The following SLC4A4 variants were observed in gnomAD, a reference collection of about 807,000 sequenced individuals.
The protein encoded by SLC4A4 is electrogenic sodium bicarbonate cotransporter 1.
In SLC4A4, 27 loss-of-function variants were observed where a neutral mutation model predicts 111.5. The observed-to-expected ratio is 0.24, with a 90% CI of 0.18 to 0.33. The LOEUF is 0.33. SLC4A4 is among the 10% of genes least tolerant of loss of function. The pLI, the probability that SLC4A4 is intolerant of heterozygous loss-of-function variation, is 1.00. For synonymous variants in SLC4A4, 443 were observed against 463.4 expected (o/e 0.96, Z 0.57); for missense variants, 909 against 1,315.5 (o/e 0.69, Z 4.78).
Position 71,316,424 on chromosome 4 carries a change from C to T in SLC4A4, c.254-22946C>T, listed in dbSNP as rs185952496. Among the ~76,000 whole-genome samples, 3 of 152,242 alleles carry T rather than the reference C, an allele frequency of 2.0e-5. No individual in the cohort carries two copies. In the East Asian group the frequency reaches 5.8e-4, roughly 29 times the overall value. On this transcript the variant is annotated intron_variant, in intron 3 of 25. Coordinates refer to ENST00000264485, the MANE Select transcript of SLC4A4 (RefSeq NM_001098484.3). Reference sequence around the variant, plus strand: ...TGTTGCTAAGAGATGTGTCTGTAAACATCTGTTTGACATATTTCACCATGG... The same window carrying T: ...TGTTGCTAAGAGATGTGTCTGTAAATATCTGTTTGACATATTTCACCATGG...
At chr4:71,109,806 G>A (rs1743039982) in intron 2 of SLC4A4, among the ~76,000 whole-genome samples, 1 of 152,122 alleles carries the variant, frequency 6.6e-6, no homozygotes, top group Non-Finnish European at 1.5e-5. Flanking sequence ...GCCTCCCGAA[G>A]TGCTGGGATT....
intron 14 of SLC4A4, chr4:71,473,262 T>A (rs1157799700): frequency 1.7e-6 from 1 of 603,830 alleles, no homozygotes; most frequent in Non-Finnish European, 2.9e-6. Context: ...TTATTCTTGA[T>A]TTTATAAGTG....
intron 15 of SLC4A4, among the ~76,000 whole-genome samples, chr4:71,497,288 C>T (rs899348207): frequency 2.0e-5 from 3 of 152,064 alleles, no homozygotes; most frequent in African/African-American, 7.2e-5. Context: ...TAACAAATTG[C>T]ATCATTCTCA....
intron 3 of SLC4A4, among the ~76,000 whole-genome samples, chr4:71,297,207 A>G (rs373376146): frequency 6.6e-6 from 1 of 152,298 alleles, no homozygotes; most frequent in East Asian, 1.9e-4. Flanking sequence ...AGAAGAATCT[A>G]CATTAACTGT....
intron 2 of SLC4A4, among the ~76,000 whole-genome samples, chr4:71,244,801 A>G (rs970553704): frequency 1.8e-4 from 27 of 152,068 alleles, no homozygotes; most frequent in Non-Finnish European, 3.8e-4. Flanking sequence ...AAGCCGATCA[A>G]AATGGTAAGA....
chr4:71,532,770 T>C (rs1208365745), intron 17 of SLC4A4, among the ~76,000 whole-genome samples: 1 of 152,254 alleles, frequency 6.6e-6, no homozygotes, highest in Admixed American at 6.5e-5. Context: ...AAGAATTAAG[T>C]AAAATGCCTA....
intron 4 of SLC4A4, among the ~76,000 whole-genome samples, chr4:71,343,185 G>A (rs1016938808): frequency 2.4e-4 from 37 of 152,018 alleles, no homozygotes; most frequent in African/African-American, 7.7e-4. Flanking sequence ...GATTGCCTTC[G>A]ACACAACTGT....
In SLC4A4 at chr4:71,440,592, G is replaced by A. The variant is rs904064882; in HGVS notation, c.808-24G>A. On this transcript the variant is annotated intron_variant, in intron 7 of 25. Coordinates refer to ENST00000264485, the MANE Select transcript of SLC4A4 (RefSeq NM_001098484.3). ...CAGGAACCTTGTGGAACTAAATTGT[G>A]TTTCCTTGGTTCTTCTCATGCAGCT... 4.3e-6 allele frequency: 7 copies of A among 1,614,034 alleles called. No individual in the cohort carries two copies. In the East Asian group the frequency reaches 1.1e-4, roughly 26 times the overall value.
intron 1 of SLC4A4, among the ~76,000 whole-genome samples, chr4:71,091,115 T>G (rs1416634524): frequency 1.3e-5 from 2 of 152,134 alleles, no homozygotes; most frequent in Non-Finnish European, 2.9e-5. Flanking sequence ...ACTCAGCTTA[T>G]TTTTGTATTT....
At chr4:71,357,233 C>T (rs766425366) in intron 6 of SLC4A4, 46 bp downstream of exon 6, 1 of 1,562,722 alleles carries the variant, frequency 6.4e-7, no homozygotes, top group South Asian at 1.1e-5. Context: ...ACTTATTTCA[C>T]TCACCTTTAC....
intron 3 of SLC4A4, among the ~76,000 whole-genome samples, chr4:71,296,769 C>T (rs1262925684): frequency 6.6e-6 from 1 of 152,112 alleles, no homozygotes; most frequent in Admixed American, 6.5e-5. Flanking sequence ...AAAATCTGCT[C>T]TCTCAGTTTT....
intron 6 of SLC4A4, among the ~76,000 whole-genome samples, chr4:71,367,246 A>G (rs575764286): frequency 6.6e-6 from 1 of 152,366 alleles, no homozygotes; most frequent in South Asian, 2.1e-4. Context: ...TACTCACGTT[A>G]GAAGCAAGCC....
chr4:71,154,346 G>A (rs1310809314), intron 2 of SLC4A4, among the ~76,000 whole-genome samples: 1 of 152,188 alleles, frequency 6.6e-6, no homozygotes, highest in Non-Finnish European at 1.5e-5. Context: ...CTTGGTCACA[G>A]GATTAGAGTG....
In SLC4A4 at chr4:71,312,196, G is replaced by A. The variant is rs375831227; in HGVS notation, c.254-27174G>A. On this transcript the variant is annotated intron_variant, in intron 3 of 25. Coordinates refer to ENST00000264485, the MANE Select transcript of SLC4A4 (RefSeq NM_001098484.3). ...AAGAAATGGATAAATTCCTGGACAT[G>A]TACAGCCTCCTAAGATTAAATCAGG... Among the ~76,000 whole-genome samples, 33 of 152,126 alleles carry A rather than the reference G, an allele frequency of 2.2e-4. No homozygotes were observed. The East Asian group carries it at 2.7e-3, about 12-fold the overall frequency.
Position 71,348,863 on chromosome 4 carries a change from T to A in SLC4A4, c.390-1049T>A, listed in dbSNP as rs539937405. 4.6e-5 allele frequency among the ~76,000 whole-genome samples: 7 copies of A among 152,322 alleles called. No homozygotes were observed. The East Asian group carries it at 1.3e-3, about 29-fold the overall frequency. On this transcript the variant is annotated intron_variant, in intron 4 of 25. Transcript: ENST00000264485. ...ATCTTTAGTGAGTTAGGTGAGCGTTTAGCTTTCTCTAGGAAAACATTTTTC... is the reference window on the plus strand; with the variant it reads ...ATCTTTAGTGAGTTAGGTGAGCGTTAAGCTTTCTCTAGGAAAACATTTTTC...
intron 7 of SLC4A4, among the ~76,000 whole-genome samples, chr4:71,422,257 G>C (rs1268150045): frequency 2.9e-5 from 4 of 140,238 alleles, no homozygotes; most frequent in African/African-American, 8.2e-5. Context: ...TAAATTCCTC[G>C]ACACATACAC....
At chr4:71,101,283 T>A (rs929759298) in intron 2 of SLC4A4, among the ~76,000 whole-genome samples, 3 of 151,892 alleles carry the variant, frequency 2.0e-5, no homozygotes, top group Admixed American at 1.3e-4. Context: ...ACAAAAAAAA[T>A]TCCATGCTCA....
intron 2 of SLC4A4, among the ~76,000 whole-genome samples, chr4:71,237,912 A>AT (rs1253749080): frequency 6.6e-6 from 1 of 152,140 alleles, no homozygotes; most frequent in African/African-American, 2.4e-5. Context: ...GGTTCCTTGC[A>AT]TTTTTGCAAC....
Position 71,151,496 on chromosome 4 carries a change from T to A in SLC4A4, c.-2+58704T>A, listed in dbSNP as rs58704231. Among the ~76,000 whole-genome samples, 858 of 152,278 alleles carry A rather than the reference T, an allele frequency of 5.6e-3. 10 individuals carry two copies. The highest frequency in any genetic ancestry group is 0.02 in the African/African-American group (823 of 41,566). ...CATTTTTACCTTTAATGACATTTAA[T>A]GTCATTTTTACCTCTACTTATTTAC... On this transcript the variant is annotated intron_variant, in intron 2 of 26. Transcript: ENST00000649996.
Sources: gnomAD v4.1 joint callset for allele counts (sites outside exome capture counted in the v4.1 genomes callset) on GRCh38, gnomAD v4.1.1 for gene constraint, MANE v1.5 for transcripts, NCBI Gene and HGNC (gene_info 2026-07-23, HGNC 2026-07-21) for gene names.